The following PLXNB3 variants were observed in gnomAD, a reference collection of about 807,000 sequenced individuals.
The protein encoded by PLXNB3 is plexin-B3.
In PLXNB3, 80 loss-of-function variants were observed where a neutral mutation model predicts 125.7. That is an observed-to-expected ratio of 0.64 (90% confidence interval 0.53 to 0.77). The LOEUF is 0.77. Ranked by LOEUF, PLXNB3 falls within the 30% of genes least tolerant of loss-of-function variation. The pLI is 0.00. For synonymous variants in PLXNB3, 954 were observed against 783.3 expected (o/e 1.22, Z -3.64); for missense variants, 1,836 against 1,729.3 (o/e 1.06, Z -1.09).
In PLXNB3 at chrX:153,776,322, G is replaced by A. The variant is rs377013310; in HGVS notation, c.4730-34G>A. 3.4e-3 allele frequency: 3,741 copies of A among 1,092,634 alleles called. 4 individuals carry two copies. Among genetic ancestry groups the A allele is most frequent in the Non-Finnish European group, 4.2e-3 (3,356 of 796,444 alleles). 90.0% of individuals were successfully genotyped at this position (1,092,634 alleles called of 1,213,427 possible). A position where few individuals can be genotyped will look rare whatever the true frequency, so the allele number is the denominator to read the frequency against. The stretch of plus-strand genomic sequence containing the variant: ...TATGAGTGTGGGGCGTGGAGAGCAG[G>A]CTGTAGACTATCTGCTTCCCTGACT... On this transcript the variant is annotated intron_variant, in intron 27 of 35. Coordinates refer to ENST00000361971, the MANE Select transcript of PLXNB3 (RefSeq NM_005393.3).
intron 31 of PLXNB3, 107 bp from the exon 32 acceptor site, chrX:153,777,841 C>G (rs1434430117): frequency 9.2e-7 from 1 of 1,091,957 alleles, no homozygotes; most frequent in Non-Finnish European, 1.2e-6. Context: ...AGGCCAGCTT[C>G]CAGCGGCCCC....
intron 12 of PLXNB3, 68 bp from the exon 13 acceptor site, chrX:153,771,242 C>G: frequency 2.0e-6 from 2 of 985,230 alleles, no homozygotes; most frequent in Non-Finnish European, 2.9e-6. Context: ...TGGGGGGTGG[C>G]CCAGAGGAGA....
Position 153,772,971 on chromosome X carries a change from C to G in PLXNB3, c.2861C>G (p.Thr954Arg). 8.3e-7 allele frequency: 1 copy of G among 1,199,189 alleles called. No individual in the cohort carries two copies. The highest frequency in any genetic ancestry group is 1.7e-5 in the African/African-American group (1 of 57,508). The change falls in exon 17 of 36, where the codon ACA (threonine) becomes AGA (arginine). Residue 954 changes from threonine to arginine, a missense_variant. Physicochemically the swap from Thr to Arg is moderately conservative, Grantham distance 71. Coordinates refer to ENST00000361971, the MANE Select transcript of PLXNB3 (RefSeq NM_005393.3). ...QLTIRGQHLQ[T>R]GGNTSAFVGG... ...ACCATCCGAGGTCAGCACCTCCAGA[C>G]AGGTGGCAACACCAGTGCCTTCGTG...
In PLXNB3 at chrX:153,776,958, C is replaced by T; in HGVS notation, c.4905C>T (p.Ala1635=). The T allele has an allele frequency of 8.4e-7, 1 of 1,185,568 alleles. No homozygotes were observed. Among genetic ancestry groups the T allele is most frequent in the South Asian group, 1.8e-5 (1 of 54,517 alleles). ...GCAGCACCATCTCCCAGAGCCTGGC[C>T]CAGAGGTGCCCCTTGGGAGAGAGTG... The part of the protein sequence containing the change: ...HRGSTISQSL[A]QRCPLGENIP... The change falls in exon 29 of 36, where the codon GCC becomes GCT. Residue 1635 remains alanine, a synonymous_variant. Coordinates refer to ENST00000361971, the MANE Select transcript of PLXNB3 (RefSeq NM_005393.3).
At position 153,775,519 on chromosome X, in the gene PLXNB3, G is replaced by C. The variant is rs1032206231; in HGVS notation, c.4335-75G>C. 16 of 1,154,479 alleles carry C rather than the reference G, an allele frequency of 1.4e-5. No homozygotes were observed. In the East Asian group the frequency reaches 3.0e-4, roughly 22 times the overall value. Reference sequence around the variant, plus strand: ...GTGGGGCCAGGAAGCCCCAGCAGGTGGGGGGAAGGAAAGTGAGATGTCCTC... The same window carrying C: ...GTGGGGCCAGGAAGCCCCAGCAGGTCGGGGGAAGGAAAGTGAGATGTCCTC... On this transcript the variant is annotated intron_variant, in intron 25 of 35. Coordinates refer to ENST00000361971, the MANE Select transcript of PLXNB3 (RefSeq NM_005393.3).
rs2091968258 is a variant in PLXNB3, at chrX:153,774,739, G to A, written c.3864G>A (p.Gln1288=). The change falls in exon 23 of 36, where the codon CAG becomes CAA. Residue 1288 remains glutamine, a synonymous_variant. Transcript: ENST00000361971. ...GCAAGCAGGCCCTGCGGGACTACCAGAAGGTGCTAGTGCAGCTGGAGAGCC... is the reference window on the plus strand; with the variant it reads ...GCAAGCAGGCCCTGCGGGACTACCAAAAGGTGCTAGTGCAGCTGGAGAGCC... The part of the protein sequence containing the change: ...HKSKQALRDY[Q]KVLVQLESLE... 1.7e-6 allele frequency: 2 copies of A among 1,188,086 alleles called. No homozygotes were observed. The highest frequency in any genetic ancestry group is 2.3e-6 in the Non-Finnish European group (2 of 882,844).
intron 6 of PLXNB3, 67 bp downstream of exon 6, chrX:153,769,329 A>G: frequency 6.4e-6 from 6 of 941,247 alleles, no homozygotes; most frequent in Non-Finnish European, 7.4e-6. Flanking sequence ...TGCCCCTGGA[A>G]GTAGCCCTAG....
intron 2 of PLXNB3, chrX:153,766,428 T>C (rs1603240911): frequency 2.8e-6 from 3 of 1,077,338 alleles, no homozygotes; most frequent in East Asian, 3.5e-5. Flanking sequence ...AGGGGCGCGC[T>C]GTGACACAGC....
rs782557081 is a variant in PLXNB3 at position 153,775,332 on chromosome X, C to T, written c.4263C>T (p.Asp1421=). 1 of 1,210,549 alleles carries T rather than the reference C, an allele frequency of 8.3e-7. No homozygotes were observed. Among genetic ancestry groups the T allele is most frequent in the Non-Finnish European group, 1.1e-6 (1 of 895,002 alleles). Residue 1421 remains aspartate, a synonymous_variant, in exon 25 of 36, where the codon GAC becomes GAT. Transcript: ENST00000361971. The part of the protein sequence containing the change: ...ALHGKLEYLT[D]IMRTLLGDLA... ...ACGGCAAGCTGGAGTACCTGACGGA[C>T]ATCATGAGGACCCTGCTGGGTGACC...
Position 153,767,121 on chromosome X carries a change from C to T in PLXNB3, c.294C>T (p.Cys98=), listed in dbSNP as rs528422651. The T allele has an allele frequency of 2.9e-5, 35 of 1,208,210 alleles. No individual in the cohort carries two copies. The highest frequency in any genetic ancestry group is 3.0e-5 in the Non-Finnish European group (27 of 894,500). ...VTGPVIDSPD[C]VPFRDPAECP... ...GCCCTGTAATCGACAGCCCTGACTG[C>T]GTGCCCTTCCGTGACCCAGCCGAGT... The change falls in exon 3 of 36, where the codon TGC becomes TGT. Residue 98 remains cysteine, a synonymous_variant. Coordinates refer to ENST00000361971, the MANE Select transcript of PLXNB3 (RefSeq NM_005393.3).
In PLXNB3 at chrX:153,774,050, G is replaced by A. The variant is rs782190591; in HGVS notation, c.3471G>A (p.Gly1157=). Residue 1157 remains glycine, a synonymous_variant, in exon 20 of 36, where the codon GGG becomes GGA. Transcript: ENST00000361971. ...NPRLAPLSRE[G]PARPYRLKPG... is the part of the protein sequence containing the mutation. ...GCCTGGCACCCCTCAGCCGCGAGGG[G>A]CCTGCCCGCCCCTACCGCCTCAAGC... is the stretch of plus-strand genomic sequence containing the variant. 1 of 1,191,130 alleles carries A rather than the reference G, an allele frequency of 8.4e-7. No homozygotes were observed.
In PLXNB3 at chrX:153,767,353, C is replaced by T. The variant is rs781948515; in HGVS notation, c.526C>T (p.Leu176=). ...ANTPGVATVG[L]VVPLPGRDLL... The stretch of plus-strand genomic sequence containing the variant: ...TACCCCGGGAGTGGCAACGGTGGGG[C>T]TGGTGGTGCCCTTGCCCGGCCGGGA... Residue 176 remains leucine (L), a synonymous_variant, in exon 3 of 36, where the codon CTG becomes TTG. Coordinates refer to ENST00000361971, the MANE Select transcript of PLXNB3 (RefSeq NM_005393.3). The T allele has an allele frequency of 1.2e-5, 14 of 1,198,440 alleles. No individual in the cohort carries two copies. The East Asian group carries it at 4.2e-4, about 36-fold the overall frequency.
At position 153,771,381 on chromosome X, in the gene PLXNB3, G is replaced by A; in HGVS notation, c.2325G>A (p.Leu775=). Residue 775 remains leucine (L), a synonymous_variant, in exon 13 of 36, where the codon CTG becomes CTA. Transcript: ENST00000361971. ...TCACCCAGGGTGAAGCCCAGAGGCT[G>A]GACAACACCCATGCTCTTTATGGTG... is the stretch of plus-strand genomic sequence containing the variant. ...IYVTQGEAQR[L]DNTHALYVIL... is the part of the protein sequence containing the mutation. 2.5e-6 allele frequency: 3 copies of A among 1,210,439 alleles called. No individual in the cohort carries two copies. The highest frequency in any genetic ancestry group is 2.3e-4 in the Middle Eastern group (1 of 4,350).
In PLXNB3 at chrX:153,776,820, G is replaced by A. The variant is rs2092001721; in HGVS notation, c.4834-67G>A. 3.1e-5 allele frequency: 22 copies of A among 713,668 alleles called. No homozygotes were observed. The South Asian group carries it at 6.0e-4, about 19-fold the overall frequency. The allele number at this position is 713,668 out of a possible 1,213,427, so 58.8% of individuals were successfully genotyped here. On this transcript the variant is annotated intron_variant, in intron 28 of 35. Transcript: ENST00000361971. Reference sequence around the variant, plus strand: ...CTGGGGCGGGGAAGGGCGAGGCAGGGCAGGATGTGGGCGGTGTAGGCGCCT... The same window carrying A: ...CTGGGGCGGGGAAGGGCGAGGCAGGACAGGATGTGGGCGGTGTAGGCGCCT...
At chrX:153,775,747 G>C in intron 26 of PLXNB3, 87 bp downstream of exon 26, 3 of 1,088,375 alleles carry the variant, frequency 2.8e-6, no homozygotes, top group Non-Finnish European at 3.8e-6. Context: ...TGCGCCCTAC[G>C]TGACGAAGGC....
In PLXNB3 at chrX:153,766,264, G is replaced by A. The variant is rs12009053; in HGVS notation, c.46-609G>A. 1.8e-3 allele frequency: 2,052 copies of A among 1,165,530 alleles called. 5 individuals are homozygous for A. The African/African-American group carries it at 0.018, about 10-fold the overall frequency. On this transcript the variant is annotated intron_variant, in intron 2 of 35. Transcript: ENST00000361971. ...CTTGCTCCTTGCTCAGCCCGCGGCT[G>A]CCTGGCTCTTTCCCCCAGCTGCGGA...
rs782380699 is a variant in PLXNB3 at position 153,769,174 on chromosome X, C to T, written c.1408C>T (p.Pro470Ser). The T allele has an allele frequency of 8.4e-7, 1 of 1,186,242 alleles. No individual in the cohort carries two copies. Among genetic ancestry groups the T allele is most frequent in the Non-Finnish European group, 1.1e-6 (1 of 882,523 alleles). ...VLTAHQVDRI[P>S]VAACPQFPDC... ...GCTGCCCCTCCAGGTGGACCGGATA[C>T]CTGTGGCAGCCTGCCCCCAGTTCCC... Residue 470 changes from proline to serine, a missense_variant, in exon 6 of 36, where the codon CCT (proline) becomes TCT (serine). Coordinates refer to ENST00000361971, the MANE Select transcript of PLXNB3 (RefSeq NM_005393.3).
chrX:153,765,732 G>A, intron 2 of PLXNB3, 152 bp downstream of exon 2: 1 of 1,129,064 alleles, frequency 8.9e-7, no homozygotes, highest in South Asian at 2.1e-5. Flanking sequence ...AAGTGTCCGT[G>A]CTCTTCCTGC....
intron 8 of PLXNB3, 41 bp from the exon 9 acceptor site, chrX:153,770,297 T>C: frequency 8.3e-7 from 1 of 1,200,901 alleles, no homozygotes. Context: ...GGAGGGGTAA[T>C]GAGCCACCTG....
Sources: gnomAD v4.1 joint callset for allele counts on GRCh38, gnomAD v4.1.1 for gene constraint, MANE v1.5 for transcripts, NCBI Gene and HGNC (gene_info 2026-07-23, HGNC 2026-07-21) for gene names.